Variants in GPR173 observed in about 807,000 individuals in gnomAD.
GPR173 encodes the protein probable G protein-coupled receptor 173.
In GPR173, 2 loss-of-function variants were observed where a neutral mutation model predicts 13.9. The ratio of observed to expected loss-of-function variants is 0.14; its 90% CI spans 0.06 to 0.45. The LOEUF is 0.45. Ranked by LOEUF, GPR173 falls within the 20% of genes least tolerant of loss-of-function variation. The pLI is 0.98. For missense variants in GPR173, 202 were observed against 340.5 expected (o/e 0.59, Z 3.20); for synonymous variants, 131 against 141.0 (o/e 0.93, Z 0.50).
chrX:53,060,949 GATGGTGA>G (rs1932117006), intron 1 of GPR173, among the ~76,000 whole-genome samples: 1 of 95,462 alleles, frequency 1.0e-5, no homozygotes, highest in Non-Finnish European at 2.1e-5. Context: ...TCCAGAGGAG[GATGGTGA>G]CATTTTTACT....
At chrX:53,073,828 GTT>G (rs1472095417) in intron 1 of GPR173, among the ~76,000 whole-genome samples, 2 of 52,861 alleles carry the variant, frequency 3.8e-5, no homozygotes, top group African/African-American at 1.4e-4. Context: ...ATATAAAAAA[GTT>G]TGTATATATA....
intron 1 of GPR173, among the ~76,000 whole-genome samples, chrX:53,065,859 G>A (rs782164929): frequency 1.3e-4 from 15 of 111,687 alleles, no homozygotes; most frequent in Non-Finnish European, 2.4e-4. Flanking sequence ...CAGCACTTTG[G>A]GAAGCTGAGG....
intron 1 of GPR173, among the ~76,000 whole-genome samples, chrX:53,055,395 G>C (rs1556803129): frequency 9.1e-6 from 1 of 110,319 alleles, no homozygotes; most frequent in African/African-American, 3.3e-5. Flanking sequence ...CTGGATGGTA[G>C]GTGAGTGAGA....
At position 53,079,183 on chromosome X, in the gene GPR173, T is replaced by C. The variant is rs1330820033; in HGVS notation, c.*1440T>C. The C allele has an allele frequency of 8.1e-6, 1 of 122,828 alleles. No individual in the cohort carries two copies. The highest frequency in any genetic ancestry group is 3.3e-5 in the African/African-American group (1 of 30,573). The allele number at this position is 122,828 out of a possible 1,213,427, so 10.1% of individuals were successfully genotyped here. On this transcript the variant is annotated 3_prime_UTR_variant, in exon 2 of 2. Coordinates refer to ENST00000332582, the MANE Select transcript of GPR173 (RefSeq NM_018969.6). The stretch of plus-strand genomic sequence containing the variant: ...CCTCTCACTTCCTGTGGGGCCGGAA[T>C]CTGTATTTATCCATCCCCCTTTCCC...
rs937906110 is a variant in GPR173, at chrX:53,079,103, A to C, written c.*1360A>C. The C allele has an allele frequency of 4.9e-5, 6 of 122,764 alleles. No individual in the cohort carries two copies. Among genetic ancestry groups the C allele is most frequent in the African/African-American group, 2.0e-4 (6 of 30,585 alleles). 10.1% of individuals were successfully genotyped at this position (122,764 alleles called of 1,213,427 possible). Reference sequence around the variant, plus strand: ...GCTTACTTTGAGGCCTGTTCTGTGGATTGGTGAGCCAAGCTGGCACTCCTT... The same window carrying C: ...GCTTACTTTGAGGCCTGTTCTGTGGCTTGGTGAGCCAAGCTGGCACTCCTT... On this transcript the variant is annotated 3_prime_UTR_variant, in exon 2 of 2. Transcript: ENST00000332582.
rs782537305 is a variant in GPR173, at chrX:53,077,736, T to A, written c.1115T>A (p.Val372Asp). The A allele has an allele frequency of 8.3e-7, 1 of 1,204,678 alleles. No homozygotes were observed. Among genetic ancestry groups the A allele is most frequent in the Non-Finnish European group, 1.1e-6 (1 of 890,909 alleles). ...CCGGCTCCCAGAGAACCCTACTGTG[T>A]CATGTGAAGCAGGCTGGTAGGCAGA... ...GAPAPREPYC[V>D]M is the part of the protein sequence containing the mutation. The change falls in exon 2 of 2, where the codon GTC (valine) becomes GAC (aspartate). Residue 372 changes from valine to aspartate, a missense_variant. Physicochemically the swap from Val to Asp is radical, Grantham distance 152 (BLOSUM62 -3). Transcript: ENST00000332582.
chrX:53,056,863 C>G (rs1556803251), intron 1 of GPR173, among the ~76,000 whole-genome samples: 3 of 111,309 alleles, frequency 2.7e-5, no homozygotes, highest in African/African-American at 9.8e-5. Context: ...CTTAGTGTAT[C>G]AGCTGGATTG....
At chrX:53,074,545 G>T (rs868992414) in intron 1 of GPR173, among the ~76,000 whole-genome samples, 5 of 16,350 alleles carry the variant, frequency 3.1e-4, no homozygotes, top group African/African-American at 5.6e-4. Flanking sequence ...TATAAATATA[G>T]ATTTATATAT....
intron 1 of GPR173, among the ~76,000 whole-genome samples, chrX:53,055,818 T>A (rs1932025464): frequency 9.1e-6 from 1 of 109,724 alleles, no homozygotes; most frequent in African/African-American, 3.3e-5. Flanking sequence ...GGTGGATGTG[T>A]CTGCATGGGG....
intron 1 of GPR173, among the ~76,000 whole-genome samples, chrX:53,073,425 C>T (rs1294555343): frequency 9.1e-6 from 1 of 110,494 alleles, no homozygotes; most frequent in Non-Finnish European, 1.9e-5. Context: ...ACTGCCTTCC[C>T]TCTGGGACCT....
Position 53,080,167 on chromosome X carries a change from C to T in GPR173, c.*2424C>T, listed in dbSNP as rs897422933. 11 of 122,074 alleles carry T rather than the reference C, an allele frequency of 9.0e-5. No individual in the cohort carries two copies. The highest frequency in any genetic ancestry group is 3.3e-4 in the African/African-American group (10 of 30,428). The allele number at this position is 122,074 out of a possible 1,213,427, so 10.1% of individuals were successfully genotyped here. ...ATGGCTTCTGGAGGGACTGCTCAGT[C>T]TGGGATGGGAGCCCTTCCTAGGGGC... On this transcript the variant is annotated 3_prime_UTR_variant, in exon 2 of 2. Coordinates refer to ENST00000332582, the MANE Select transcript of GPR173 (RefSeq NM_018969.6).
In GPR173 at chrX:53,077,214, C is replaced by T; in HGVS notation, c.593C>T (p.Ala198Val). 2 of 1,197,816 alleles carry T rather than the reference C, an allele frequency of 1.7e-6. No individual in the cohort carries two copies. The highest frequency in any genetic ancestry group is 2.3e-6 in the Non-Finnish European group (2 of 887,522). The change falls in exon 2 of 2, where the codon GCA (alanine) becomes GTA (valine). Residue 198 changes from alanine to valine, a missense_variant. Transcript: ENST00000332582. ...ATGCTTATGTTGGCTGTGCTCATGGCAGCTACCCATGCTGTCTACGGCAAG... is the reference window on the plus strand; with the variant it reads ...ATGCTTATGTTGGCTGTGCTCATGGTAGCTACCCATGCTGTCTACGGCAAG... ...GFMLMLAVLM[A>V]ATHAVYGKLL...
chrX:53,080,130 C>A lies in GPR173; in HGVS notation c.*2387C>A, dbSNP rs1556806452. ...GAAACTGATGAGGTTAGGAAATGCC[C>A]CCCACAAAGTAATGGCTTCTGGAGG... On this transcript the variant is annotated 3_prime_UTR_variant, in exon 2 of 2. Transcript: ENST00000332582. The A allele has an allele frequency of 8.2e-6, 1 of 122,262 alleles. No homozygotes were observed. Among genetic ancestry groups the A allele is most frequent in the African/African-American group, 3.3e-5 (1 of 30,444 alleles). 10.1% of individuals were successfully genotyped at this position (122,262 alleles called of 1,213,427 possible).
chrX:53,057,512 C>T (rs1252105620), intron 1 of GPR173, among the ~76,000 whole-genome samples: 3 of 106,690 alleles, frequency 2.8e-5, no homozygotes, highest in East Asian at 2.9e-4. Flanking sequence ...CCGAGGTGGG[C>T]GGATCACCTG....
chrX:53,071,977 T>G (rs1466283430), intron 1 of GPR173, among the ~76,000 whole-genome samples: 2 of 110,555 alleles, frequency 1.8e-5, no homozygotes, highest in Non-Finnish European at 3.8e-5. Context: ...TGCACGTGTC[T>G]GGGCTCGAGC....
At chrX:53,072,486 A>C (rs1932274785) in intron 1 of GPR173, among the ~76,000 whole-genome samples, 1 of 90,414 alleles carries the variant, frequency 1.1e-5, no homozygotes, top group Non-Finnish European at 2.2e-5. Context: ...TCTCACTCTC[A>C]TTTTCACCCT....
chrX:53,069,145 A>G (rs111655908), intron 1 of GPR173, among the ~76,000 whole-genome samples: 22,718 of 105,546 alleles, frequency 0.22, 2,212 homozygotes, highest in African/African-American at 0.34. Flanking sequence ...TTTTTACTAG[A>G]GACAGGGTTT....
intron 1 of GPR173, among the ~76,000 whole-genome samples, chrX:53,049,821 C>T (rs782537865): frequency 9.0e-6 from 1 of 111,557 alleles, no homozygotes; most frequent in African/African-American, 3.3e-5. Flanking sequence ...GGGAGCCCGG[C>T]GGCCGTGTTC....
intron 1 of GPR173, among the ~76,000 whole-genome samples, chrX:53,052,773 G>A (rs1226511293): frequency 1.8e-5 from 2 of 111,583 alleles, no homozygotes; most frequent in African/African-American, 6.5e-5. Context: ...TGGAGCATAT[G>A]TTGTAGAACA....
Sources: allele counts gnomAD v4.1 joint callset (sites outside exome capture counted in the v4.1 genomes callset), GRCh38; gene constraint gnomAD v4.1.1; transcripts MANE v1.5; gene names NCBI Gene and HGNC (gene_info 2026-07-23, HGNC 2026-07-21).